R3HDM2: variants seen among roughly 807,000 people sequenced by gnomAD.
R3HDM2 encodes R3H domain containing 2, also known as R3H domain-containing protein 2.
In R3HDM2, 38 loss-of-function variants were observed where a neutral mutation model predicts 124.5. That is an observed-to-expected ratio of 0.31 (90% CI 0.24 to 0.40). R3HDM2 has a LOEUF of 0.40. Ranked by LOEUF, R3HDM2 falls within the 10% of genes least tolerant of loss-of-function variation. The probability of loss-of-function intolerance (pLI) is 1.00; values close to 1 mark genes in which losing one functional copy is unlikely to be tolerated. For synonymous variants in R3HDM2, 391 were observed against 448.0 expected (o/e 0.87, Z 1.61); for missense variants, 869 against 1,236.9 (o/e 0.70, Z 4.46).
chr12:57,322,638 TA>T (rs1402331641), intron 2 of R3HDM2, among the ~76,000 whole-genome samples: 3 of 152,212 alleles, frequency 2.0e-5, no homozygotes, highest in Non-Finnish European at 4.4e-5. Context: ...TTTTTTTAAT[TA>T]TTTTTTTCTT....
In R3HDM2 at chr12:57,303,165, A is replaced by T. The variant is rs764695874; in HGVS notation, c.207+11T>A. 2.0e-6 allele frequency: 3 copies of T among 1,502,616 alleles called. No individual in the cohort carries two copies. Among genetic ancestry groups the T allele is most frequent in the Non-Finnish European group, 2.7e-6 (3 of 1,102,538 alleles). 93.1% of individuals were successfully genotyped at this position (1,502,616 alleles called of 1,614,324 possible). A position where few individuals can be genotyped will look rare whatever the true frequency, so the allele number is the denominator to read the frequency against. ...TAACATTAGAAAAGAAGCTAGAGGA[A>T]GGGCTCTCACCTTGGCTCTTTTCCT... On this transcript the variant is annotated intron_variant, in intron 4 of 23. Transcript: ENST00000402412.
At chr12:57,380,007 A>C (rs550268463) in intron 2 of R3HDM2, among the ~76,000 whole-genome samples, 1 of 152,346 alleles carries the variant, frequency 6.6e-6, no homozygotes, top group East Asian at 1.9e-4. Context: ...AACTCCATAC[A>C]TAATCTCACC....
intron 2 of R3HDM2, among the ~76,000 whole-genome samples, chr12:57,370,533 G>T (rs934543920): frequency 6.6e-6 from 1 of 151,946 alleles, no homozygotes; most frequent in Non-Finnish European, 1.5e-5. Flanking sequence ...CCAGCTACTC[G>T]GGAGGCTGAG....
At chr12:57,374,442 C>A (rs888909232) in intron 2 of R3HDM2, among the ~76,000 whole-genome samples, 1 of 151,732 alleles carries the variant, frequency 6.6e-6, no homozygotes, top group Non-Finnish European at 1.5e-5. Context: ...GTAATCCCAG[C>A]ACTTTGGGAG....
intron 2 of R3HDM2, among the ~76,000 whole-genome samples, chr12:57,393,756 C>T (rs1472462665): frequency 6.6e-6 from 1 of 152,152 alleles, no homozygotes. Flanking sequence ...GAGATCTACA[C>T]CTAGGCATAC....
rs1421894714 is a variant in R3HDM2 at position 57,333,730 on chromosome 12, A to AGGAG, written c.-35-23271_-35-23268dup. Among the ~76,000 whole-genome samples, 5 of 151,844 alleles carry AGGAG rather than the reference A, an allele frequency of 3.3e-5. No homozygotes were observed. In the East Asian group the frequency reaches 9.7e-4, roughly 29 times the overall value. On this transcript the variant is annotated intron_variant, in intron 2 of 23. Coordinates refer to ENST00000402412, the MANE Select transcript of R3HDM2 (RefSeq NM_001394031.1). Reference sequence around the variant, plus strand: ...ACATAAATAAATATTTCTAGAGGGAAGGAGGGAGGAAGGAAGGAAGAAAGG... The same window carrying AGGAG: ...ACATAAATAAATATTTCTAGAGGGAAGGAGGGAGGGAGGAAGGAAGGAAGAAAGG...
At chr12:57,331,844 G>A (rs1008902947) in intron 2 of R3HDM2, among the ~76,000 whole-genome samples, 10 of 151,720 alleles carry the variant, frequency 6.6e-5, no homozygotes, top group African/African-American at 1.9e-4. Flanking sequence ...AACCCGGGAC[G>A]CGGAGCTTGC....
chr12:57,363,183 C>T (rs2062155712), intron 2 of R3HDM2, among the ~76,000 whole-genome samples: 1 of 152,154 alleles, frequency 6.6e-6, no homozygotes, highest in African/African-American at 2.4e-5. Flanking sequence ...TCTTATAACA[C>T]TTTCTGTAGC....
intron 2 of R3HDM2, among the ~76,000 whole-genome samples, chr12:57,359,918 A>G (rs2061681128): frequency 6.6e-6 from 1 of 150,768 alleles, no homozygotes; most frequent in African/African-American, 2.4e-5. Flanking sequence ...AGAATCGTGA[A>G]ACAGTATACA....
At chr12:57,320,026 G>A (rs1566133277) in intron 2 of R3HDM2, among the ~76,000 whole-genome samples, 1 of 151,950 alleles carries the variant, frequency 6.6e-6, no homozygotes, top group South Asian at 2.1e-4. Context: ...ACCACTTTGG[G>A]AGGCGGGCGG....
At chr12:57,295,196 G>A (rs559024771) in intron 10 of R3HDM2, among the ~76,000 whole-genome samples, 1 of 152,338 alleles carries the variant, frequency 6.6e-6, no homozygotes, top group African/African-American at 2.4e-5. Flanking sequence ...TCAGCACCAT[G>A]TCTCTCTAGG....
chr12:57,284,197 G>C, intron 12 of R3HDM2, 141 bp from the exon 13 acceptor site: 1 of 787,008 alleles, frequency 1.3e-6, no homozygotes, highest in Non-Finnish European at 2.0e-6. Flanking sequence ...TTGTTAGTTG[G>C]CTGGCCAACT....
At chr12:57,341,392 A>AGATG in intron 2 of R3HDM2, 1 of 983,462 alleles carries the variant, frequency 1.0e-6, no homozygotes, top group Non-Finnish European at 1.2e-6. Flanking sequence ...GCACCGCTTC[A>AGATG]GATGGATTTT....
chr12:57,381,797 G>A (rs1192040161), intron 2 of R3HDM2, among the ~76,000 whole-genome samples: 1 of 151,880 alleles, frequency 6.6e-6, no homozygotes, highest in Non-Finnish European at 1.5e-5. Context: ...TATAGAGAGA[G>A]GGGATAGAGA....
chr12:57,390,172 TAAAA>T (rs556020389), intron 2 of R3HDM2, among the ~76,000 whole-genome samples: 1 of 103,706 alleles, frequency 9.6e-6, no homozygotes, highest in Non-Finnish European at 2.1e-5. Flanking sequence ...GAGAAATAAC[TAAAA>T]AAAAAAAAGA....
At chr12:57,392,244 A>C (rs1024159112) in intron 2 of R3HDM2, among the ~76,000 whole-genome samples, 12 of 152,170 alleles carry the variant, frequency 7.9e-5, no homozygotes, top group African/African-American at 2.7e-4. Flanking sequence ...AAAGGACACA[A>C]ATAACAGCGG....
chr12:57,396,265 C>G (rs1254433880), intron 1 of R3HDM2, among the ~76,000 whole-genome samples: 3 of 151,374 alleles, frequency 2.0e-5, no homozygotes, highest in Non-Finnish European at 2.9e-5. Flanking sequence ...CATGGTGAAG[C>G]CTTGTCTCTA....
Position 57,258,936 on chromosome 12 carries a change from C to A in R3HDM2, c.2255G>T (p.Arg752Leu), listed in dbSNP as rs199873508. Residue 752 changes from arginine (R) to leucine (L), a missense_variant, in exon 20 of 24, where the codon CGG (arginine) becomes CTG (leucine). This residue lies in a region of R3HDM2 where 602 missense variants were observed against 789.2 expected (regional missense o/e 0.76). Coordinates refer to ENST00000402412, the MANE Select transcript of R3HDM2 (RefSeq NM_001394031.1). ...SHCKYYSMDQRGQKPGDLYSP... is the reference protein window; with the variant it reads ...SHCKYYSMDQLGQKPGDLYSP... Reference sequence around the variant, plus strand: ...GTACAGGTCTCCAGGCTTCTGCCCCCGCTGGTCCATGCTGTAGTATTTACA... The same window carrying A: ...GTACAGGTCTCCAGGCTTCTGCCCCAGCTGGTCCATGCTGTAGTATTTACA... 1.2e-6 allele frequency: 2 copies of A among 1,611,678 alleles called. No homozygotes were observed. Among genetic ancestry groups the A allele is most frequent in the Non-Finnish European group, 1.7e-6 (2 of 1,179,580 alleles).
At chr12:57,257,840 C>G in intron 21 of R3HDM2, 150 bp downstream of exon 21, 1 of 816,748 alleles carries the variant, frequency 1.2e-6, no homozygotes, top group East Asian at 2.9e-5. Context: ...TGTCCAAGGC[C>G]TATACAGGGA....
Sources: allele counts gnomAD v4.1 joint callset (sites outside exome capture counted in the v4.1 genomes callset), GRCh38; gene constraint gnomAD v4.1.1; regional missense constraint gnomAD v4.1.1; transcripts MANE v1.5; gene names NCBI Gene and HGNC (gene_info 2026-07-23, HGNC 2026-07-21).